Variants in BLOC1S6 observed in about 807,000 individuals in gnomAD.
BLOC1S6 encodes biogenesis of lysosomal organelles complex 1 subunit 6.
BLOC1S6 carries 24 observed loss-of-function variants against 24.7 expected under a neutral mutation model. That is an observed-to-expected ratio of 0.97 (90% confidence interval 0.70 to 1.37). The LOEUF (loss-of-function observed/expected upper bound fraction) is 1.37. Ranked by LOEUF, BLOC1S6 falls within the 40% of genes most tolerant of loss-of-function variation. The pLI, the probability that BLOC1S6 is intolerant of heterozygous loss-of-function variation, is 0.00. For missense variants in BLOC1S6, 175 were observed against 196.2 expected, an observed-to-expected ratio of 0.89 and a Z score of 0.64; for synonymous variants, 76 against 72.6, an observed-to-expected ratio of 1.05 and a Z score of -0.23.
Position 45,605,403 on chromosome 15 carries a change from T to G in BLOC1S6, c.313-25T>G, listed in dbSNP as rs1482948379. The G allele has an allele frequency of 3.2e-6, 5 of 1,554,464 alleles. No homozygotes were observed. The South Asian group carries it at 5.6e-5, about 17-fold the overall frequency. On this transcript the variant is annotated intron_variant, in intron 3 of 4. Coordinates refer to ENST00000220531, the MANE Select transcript of BLOC1S6 (RefSeq NM_012388.4). ...ATATTTTAGTCTATTTTAACTTGAC[T>G]TTTCATTTATTTTTCCATGTTAAGT... is the stretch of plus-strand genomic sequence containing the variant.
chr15:45,588,293 T>C (rs956970121), intron 1 of BLOC1S6, among the ~76,000 whole-genome samples: 4 of 152,254 alleles, frequency 2.6e-5, no homozygotes, highest in African/African-American at 7.2e-5. Flanking sequence ...TCTATAAATA[T>C]GACTTCTTTG....
At chr15:45,592,435 A>G (rs1168434445) in intron 2 of BLOC1S6, among the ~76,000 whole-genome samples, 159 bp downstream of exon 2, 2 of 152,228 alleles carry the variant, frequency 1.3e-5, no homozygotes, top group Admixed American at 6.5e-5. Flanking sequence ...AGAGGAGTAC[A>G]TAGTATTCTA....
intron 2 of BLOC1S6, among the ~76,000 whole-genome samples, chr15:45,593,213 T>TTTTA (rs1893947209): frequency 6.6e-6 from 1 of 151,378 alleles, no homozygotes; most frequent in Non-Finnish European, 1.5e-5. Context: ...GGCGAAACCC[T>TTTTA]GTCTCTACTA....
intron 4 of BLOC1S6, among the ~76,000 whole-genome samples, chr15:45,606,044 A>G (rs1894444145): frequency 6.6e-6 from 1 of 152,202 alleles, no homozygotes; most frequent in African/African-American, 2.4e-5. Context: ...GAGCTCAAGC[A>G]GCCCTCTGGC....
Position 45,605,401 on chromosome 15 carries a change from A to G in BLOC1S6, c.313-27A>G, listed in dbSNP as rs926943964. ...TGATATTTTAGTCTATTTTAACTTG[A>G]CTTTTCATTTATTTTTCCATGTTAA... On this transcript the variant is annotated intron_variant, in intron 3 of 4. Coordinates refer to ENST00000220531, the MANE Select transcript of BLOC1S6 (RefSeq NM_012388.4). 20 of 1,541,276 alleles carry G rather than the reference A, an allele frequency of 1.3e-5. 1 individual carries two copies. The Admixed American group carries it at 2.8e-4, about 22-fold the overall frequency.
intron 2 of BLOC1S6, among the ~76,000 whole-genome samples, chr15:45,595,871 G>A (rs888671322): frequency 1.3e-5 from 2 of 151,576 alleles, no homozygotes; most frequent in Non-Finnish European, 2.9e-5. Context: ...GCAATGGCAC[G>A]ATCTCGGCTC....
chr15:45,599,847 C>T (rs1174181385), intron 2 of BLOC1S6, among the ~76,000 whole-genome samples: 3 of 133,944 alleles, frequency 2.2e-5, no homozygotes, highest in African/African-American at 9.4e-5. Flanking sequence ...ACCCAAATGA[C>T]TATAAATCAT....
intron 2 of BLOC1S6, among the ~76,000 whole-genome samples, chr15:45,597,709 ATTAAC>A (rs1345000987): frequency 6.6e-6 from 1 of 152,226 alleles, no homozygotes; most frequent in Non-Finnish European, 1.5e-5. Context: ...ACTTCTGTAT[ATTAAC>A]CTTGTATCCT....
At chr15:45,603,593 AGTCCCAGCTTTTCCAGAAACT>A (rs1894343377) in intron 3 of BLOC1S6, among the ~76,000 whole-genome samples, 1 of 152,186 alleles carries the variant, frequency 6.6e-6, no homozygotes, top group Admixed American at 6.5e-5. Context: ...ACATGCCTGT[AGTCCCAGCTTTTCCAGAAACT>A]GAGGTGGAAG....
At chr15:45,591,986 C>G (rs771736181) in intron 1 of BLOC1S6, 149 bp from the exon 2 acceptor site, 75 of 877,596 alleles carry the variant, frequency 8.5e-5, no homozygotes, top group Non-Finnish European at 1.2e-4. Context: ...AAGGTTCCGG[C>G]TGGTCAGAGT....
At chr15:45,593,512 A>AGC (rs768577675) in intron 2 of BLOC1S6, among the ~76,000 whole-genome samples, 2 of 151,032 alleles carry the variant, frequency 1.3e-5, no homozygotes, top group Non-Finnish European at 2.9e-5. Context: ...TTTTATCCCT[A>AGC]GCGCGCGATA....
At chr15:45,596,769 C>T (rs1894093192) in intron 2 of BLOC1S6, among the ~76,000 whole-genome samples, 1 of 151,860 alleles carries the variant, frequency 6.6e-6, no homozygotes, top group South Asian at 2.1e-4. Context: ...ACCTCTGCCT[C>T]TCAGGTTCGT....
rs1344219484 is a variant in BLOC1S6 at position 45,608,475 on chromosome 15, T to G, written c.*1961T>G. Reference sequence around the variant, plus strand: ...GTCATTTGGGACCAACTGCAGTGGTTGTTTAAAATGCTGGTTCCTGCACAC... The same window carrying G: ...GTCATTTGGGACCAACTGCAGTGGTGGTTTAAAATGCTGGTTCCTGCACAC... On this transcript the variant is annotated 3_prime_UTR_variant, in exon 5 of 5. Coordinates refer to ENST00000220531, the MANE Select transcript of BLOC1S6 (RefSeq NM_012388.4). The G allele has an allele frequency of 1.3e-5, 2 of 152,232 alleles. No individual in the cohort carries two copies. Among genetic ancestry groups the G allele is most frequent in the African/African-American group, 4.8e-5 (2 of 41,470 alleles). 9.4% of individuals were successfully genotyped at this position (152,232 alleles called of 1,614,324 possible).
chr15:45,592,077 C>A, intron 1 of BLOC1S6, 58 bp from the exon 2 acceptor site: 2 of 1,584,790 alleles, frequency 1.3e-6, no homozygotes, highest in South Asian at 1.1e-5. Flanking sequence ...TTCAGTTGAC[C>A]AGCCTAAAAA....
intron 1 of BLOC1S6, chr15:45,587,819 T>G: frequency 1.4e-6 from 1 of 698,032 alleles, no homozygotes; most frequent in Non-Finnish European, 2.6e-6. Context: ...TTATTTGTCA[T>G]ACGGCAGTGG....
intron 2 of BLOC1S6, among the ~76,000 whole-genome samples, chr15:45,596,967 G>A (rs1477753073): frequency 1.3e-5 from 2 of 152,158 alleles, no homozygotes; most frequent in African/African-American, 4.8e-5. Flanking sequence ...GAGTCACTGT[G>A]CCTGGCCAGA....
chr15:45,590,477 G>T (rs1202791356), intron 1 of BLOC1S6, among the ~76,000 whole-genome samples: 2 of 144,594 alleles, frequency 1.4e-5, no homozygotes, highest in Non-Finnish European at 3.0e-5. Flanking sequence ...GCACAATCTT[G>T]GCACACTGCA....
At chr15:45,600,933 CAA>C (rs1894249980) in intron 2 of BLOC1S6, among the ~76,000 whole-genome samples, 1 of 152,222 alleles carries the variant, frequency 6.6e-6, no homozygotes, top group Middle Eastern at 3.4e-3. Flanking sequence ...GTGCATGAAA[CAA>C]AGAGTTTTGA....
intron 3 of BLOC1S6, 24 bp from the exon 4 acceptor site, chr15:45,605,404 T>C (rs1180400544): frequency 1.9e-6 from 3 of 1,558,552 alleles, no homozygotes; most frequent in Non-Finnish European, 2.7e-6. Context: ...TAACTTGACT[T>C]TTCATTTATT....
Sources: gnomAD v4.1 joint callset for allele counts (sites outside exome capture counted in the v4.1 genomes callset) on GRCh38, gnomAD v4.1.1 for gene constraint, MANE v1.5 for transcripts, NCBI Gene and HGNC (gene_info 2026-07-23, HGNC 2026-07-21) for gene names.